The following CRADD variants were observed in gnomAD, a reference collection of about 807,000 sequenced individuals.
The protein encoded by CRADD is CARD and death domain containing adaptor protein, also known as death domain-containing protein CRADD.
CRADD carries 9 observed loss-of-function variants against 15.5 expected under a neutral mutation model. The ratio of observed to expected loss-of-function variants is 0.58; its 90% CI spans 0.35 to 1.01. CRADD has a LOEUF of 1.01. CRADD is among the 50% of genes least tolerant of loss of function. CRADD has a pLI of 0.02. For synonymous variants in CRADD, 118 were observed against 107.6 expected, an observed-to-expected ratio of 1.10 and a Z score of -0.60; for missense variants, 227 against 250.3, an observed-to-expected ratio of 0.91 and a Z score of 0.63.
At chr12:93,768,341 G>T (rs1957047306) in intron 2 of CRADD, among the ~76,000 whole-genome samples, 1 of 152,138 alleles carries the variant, frequency 6.6e-6, no homozygotes, top group Non-Finnish European at 1.5e-5. Flanking sequence ...TTAAATTTTT[G>T]TTTCATGTTA....
intron 2 of CRADD, among the ~76,000 whole-genome samples, chr12:93,887,414 A>G (rs1958545368): frequency 6.6e-6 from 1 of 152,232 alleles, no homozygotes; most frequent in Admixed American, 6.5e-5. Flanking sequence ...CAGAGGATAC[A>G]AAATAAGGAT....
chr12:93,712,991 A>G (rs565226591), intron 2 of CRADD, among the ~76,000 whole-genome samples: 5 of 152,246 alleles, frequency 3.3e-5, no homozygotes, highest in African/African-American at 4.8e-5. Context: ...AGTGTTTTCA[A>G]TCTGGGACCA....
chr12:93,732,092 C>T (rs1956475438), intron 2 of CRADD, among the ~76,000 whole-genome samples: 1 of 150,202 alleles, frequency 6.7e-6, no homozygotes, highest in Non-Finnish European at 1.5e-5. Flanking sequence ...GCCGAGATGG[C>T]ACCATTGCAC....
intron 2 of CRADD, among the ~76,000 whole-genome samples, chr12:93,753,611 CCAAA>C (rs1956855323): frequency 1.3e-5 from 2 of 152,162 alleles, no homozygotes; most frequent in Admixed American, 6.5e-5. Context: ...AGAAATTGGC[CCAAA>C]CAAAGGGGCT....
chr12:93,724,110 T>C (rs998811714), intron 2 of CRADD, among the ~76,000 whole-genome samples: 2 of 152,198 alleles, frequency 1.3e-5, no homozygotes, highest in Non-Finnish European at 2.9e-5. Context: ...GTGCAGTGGC[T>C]CACACCTGTA....
intron 2 of CRADD, among the ~76,000 whole-genome samples, chr12:93,767,999 C>T (rs960837498): frequency 9.9e-5 from 15 of 152,188 alleles, no homozygotes; most frequent in African/African-American, 3.6e-4. Context: ...ACTCTTAAGG[C>T]TTAATGCATT....
chr12:93,748,558 C>T (rs959835721), intron 2 of CRADD, among the ~76,000 whole-genome samples: 4 of 152,300 alleles, frequency 2.6e-5, no homozygotes, highest in South Asian at 2.1e-4. Context: ...CCTCCCGCCT[C>T]GGCCTCCCTA....
chr12:93,878,473 C>T (rs371996819), intron 2 of CRADD, among the ~76,000 whole-genome samples: 2 of 152,182 alleles, frequency 1.3e-5, no homozygotes, highest in East Asian at 3.8e-4. Context: ...GATGTCAGCA[C>T]TCCCTTGGCT....
intron 2 of CRADD, among the ~76,000 whole-genome samples, chr12:93,842,496 C>T (rs1386834944): frequency 1.3e-5 from 2 of 152,072 alleles, no homozygotes; most frequent in Non-Finnish European, 2.9e-5. Context: ...GTTGAGTTCC[C>T]TTTTGTGCTA....
chr12:93,782,501 A>C (rs1957222414), intron 2 of CRADD, among the ~76,000 whole-genome samples: 6 of 151,960 alleles, frequency 3.9e-5, no homozygotes. Context: ...ATTAAAAAAA[A>C]CAAAAAGACT....
chr12:93,867,994 G>A (rs1958384971), intron 2 of CRADD, among the ~76,000 whole-genome samples: 1 of 152,110 alleles, frequency 6.6e-6, no homozygotes, highest in African/African-American at 2.4e-5. Flanking sequence ...TTGTGTTTAT[G>A]GGAAAGATTT....
intron 2 of CRADD, among the ~76,000 whole-genome samples, chr12:93,753,817 G>A (rs1956858048): frequency 6.6e-6 from 1 of 152,234 alleles, no homozygotes; most frequent in Non-Finnish European, 1.5e-5. Context: ...TTCACTGCTG[G>A]AGTTGAGTGT....
intron 2 of CRADD, among the ~76,000 whole-genome samples, chr12:93,702,068 G>C (rs962869884): frequency 8.6e-5 from 13 of 151,586 alleles, no homozygotes; most frequent in African/African-American, 3.2e-4. Context: ...TCTCACCATC[G>C]AATGCCATCC....
At chr12:93,820,637 C>T (rs1002242175) in intron 2 of CRADD, among the ~76,000 whole-genome samples, 4 of 152,120 alleles carry the variant, frequency 2.6e-5, no homozygotes, top group African/African-American at 9.7e-5. Context: ...GGCCAGATTT[C>T]CCCATCGCTT....
chr12:93,698,795 T>G (rs1217206794), intron 2 of CRADD, among the ~76,000 whole-genome samples: 1 of 152,332 alleles, frequency 6.6e-6, no homozygotes, highest in South Asian at 2.1e-4. Flanking sequence ...GAAAAGAAGA[T>G]TACATGATGT....
intron 2 of CRADD, among the ~76,000 whole-genome samples, chr12:93,753,563 G>C (rs1716976210): frequency 6.6e-6 from 1 of 152,198 alleles, no homozygotes; most frequent in South Asian, 2.1e-4. Context: ...CATACAATGG[G>C]GTACAGGCAT....
intron 2 of CRADD, among the ~76,000 whole-genome samples, chr12:93,820,548 CAA>C (rs796143867): frequency 1.2e-4 from 13 of 110,452 alleles, no homozygotes; most frequent in Non-Finnish European, 1.1e-4. Context: ...GACTCTGTCT[CAA>C]AAAAAAAAAA....
At chr12:93,839,878 T>C (rs1958027329) in intron 2 of CRADD, among the ~76,000 whole-genome samples, 1 of 152,230 alleles carries the variant, frequency 6.6e-6, no homozygotes, top group Non-Finnish European at 1.5e-5. Context: ...TCACGTCTCC[T>C]TCATTGAGCA....
chr12:93,866,489 T>G (rs1339468286), intron 2 of CRADD, among the ~76,000 whole-genome samples: 1 of 152,238 alleles, frequency 6.6e-6, no homozygotes, highest in Non-Finnish European at 1.5e-5. Flanking sequence ...TATATTCTCT[T>G]AACTCTCTGA....
Sources: allele counts gnomAD v4.1 joint callset (sites outside exome capture counted in the v4.1 genomes callset), GRCh38; gene constraint gnomAD v4.1.1; transcripts MANE v1.5; gene names NCBI Gene and HGNC (gene_info 2026-07-23, HGNC 2026-07-21).